The following CNOT2 variants were observed in gnomAD, a reference collection of about 807,000 sequenced individuals.
The protein encoded by CNOT2 is CC chemokine receptor 4-negative regulator of transcription 2.
In CNOT2, 7 loss-of-function variants were observed where a neutral mutation model predicts 72.1. The ratio of observed to expected loss-of-function variants is 0.10; its 90% CI spans 0.06 to 0.18. The LOEUF is 0.18. Ranked by LOEUF, CNOT2 falls within the 10% of genes least tolerant of loss-of-function variation. The pLI is 1.00. For missense variants in CNOT2, 345 were observed against 660.3 expected (o/e 0.52, Z 5.23); for synonymous variants, 196 against 225.6 (o/e 0.87, Z 1.17).
In CNOT2 at chr12:70,278,198, C is replaced by G. The variant is rs1444713998; in HGVS notation, c.-29C>G. On this transcript the variant is annotated 5_prime_UTR_variant, in exon 2 of 16. Transcript: ENST00000229195. Reference sequence around the variant, plus strand: ...GAGTGACAGTTCTATTTGATTGCCTCCGGTACTGTGAGGAAAGGACACGAC... The same window carrying G: ...GAGTGACAGTTCTATTTGATTGCCTGCGGTACTGTGAGGAAAGGACACGAC... The G allele has an allele frequency of 2.5e-6, 4 of 1,586,406 alleles. No homozygotes were observed. The highest frequency in any genetic ancestry group is 1.3e-5 in the African/African-American group (1 of 74,254).
intron 11 of CNOT2, among the ~76,000 whole-genome samples, chr12:70,341,795 A>T (rs1006623551): frequency 2.6e-5 from 4 of 152,218 alleles, no homozygotes; most frequent in Admixed American, 6.5e-5. Flanking sequence ...CATGGTATTG[A>T]AGAATTTAAA....
At chr12:70,303,964 C>T (rs995586141) in intron 2 of CNOT2, among the ~76,000 whole-genome samples, 1 of 152,156 alleles carries the variant, frequency 6.6e-6, no homozygotes, top group Non-Finnish European at 1.5e-5. Context: ...TTTCGTCTTC[C>T]ATCGCTGATA....
At chr12:70,260,632 G>T (rs1958698935) in intron 1 of CNOT2, among the ~76,000 whole-genome samples, 1 of 151,928 alleles carries the variant, frequency 6.6e-6, no homozygotes, top group Non-Finnish European at 1.5e-5. Context: ...ATTCATTATT[G>T]ACATGGAGTA....
chr12:70,267,960 A>G (rs896408605), intron 1 of CNOT2, among the ~76,000 whole-genome samples: 1 of 152,238 alleles, frequency 6.6e-6, no homozygotes, highest in Non-Finnish European at 1.5e-5. Flanking sequence ...TGAAACTTGA[A>G]ATATTTTCTA....
rs1328304747 is a variant in CNOT2 at position 70,248,967 on chromosome 12, A to G, written c.-96+5487A>G. On this transcript the variant is annotated intron_variant, in intron 1 of 15. Coordinates refer to ENST00000229195, the MANE Select transcript of CNOT2 (RefSeq NM_014515.7). ...TAAAATGAGTGAGGGAAAATTATGTATCCTGGCAATTTAGGTAACAGTGAG... is the reference window on the plus strand; with the variant it reads ...TAAAATGAGTGAGGGAAAATTATGTGTCCTGGCAATTTAGGTAACAGTGAG... 2.6e-5 allele frequency among the ~76,000 whole-genome samples: 4 copies of G among 152,216 alleles called. No individual in the cohort carries two copies. In the East Asian group the frequency reaches 7.7e-4, roughly 29 times the overall value.
intron 3 of CNOT2, among the ~76,000 whole-genome samples, chr12:70,312,469 CAA>C (rs1246590048): frequency 2.0e-5 from 3 of 151,802 alleles, no homozygotes; most frequent in African/African-American, 2.4e-5. Flanking sequence ...GAATGAATGA[CAA>C]AGAGATATAT....
At chr12:70,326,705 ATAAATT>A (rs898596757) in intron 4 of CNOT2, among the ~76,000 whole-genome samples, 52 of 152,016 alleles carry the variant, frequency 3.4e-4, no homozygotes, top group African/African-American at 1.3e-3. Context: ...AGTTTTTAAA[ATAAATT>A]TAAAGTAACA....
At chr12:70,296,382 C>T (rs1373747717) in intron 2 of CNOT2, among the ~76,000 whole-genome samples, 2 of 152,110 alleles carry the variant, frequency 1.3e-5, no homozygotes, top group Non-Finnish European at 2.9e-5. Context: ...TGTGTATCTA[C>T]ATGTTAACTA....
chr12:70,299,485 G>C (rs917199917), intron 2 of CNOT2, among the ~76,000 whole-genome samples: 61 of 145,780 alleles, frequency 4.2e-4, no homozygotes, highest in African/African-American at 1.3e-3. Context: ...TTGGTTTTTT[G>C]TCCTTGCGAT....
chr12:70,351,942 G>A (rs575074325), intron 15 of CNOT2, among the ~76,000 whole-genome samples: 38 of 152,286 alleles, frequency 2.5e-4, no homozygotes, highest in African/African-American at 7.0e-4. Context: ...AATAACCTCT[G>A]TGTCTTAATT....
chr12:70,244,169 C>T (rs977362600), intron 1 of CNOT2: 1 of 152,344 alleles, frequency 6.6e-6, no homozygotes, highest in African/African-American at 2.4e-5. Context: ...GCGATGCCGC[C>T]TCTGCCACCG....
chr12:70,257,307 C>T (rs141114341), intron 1 of CNOT2, among the ~76,000 whole-genome samples: 14 of 151,442 alleles, frequency 9.2e-5, no homozygotes, highest in Non-Finnish European at 1.3e-4. Flanking sequence ...TTTAGCACAT[C>T]CGATAGTATA....
intron 15 of CNOT2, among the ~76,000 whole-genome samples, chr12:70,348,847 A>AT (rs973708079): frequency 6.6e-6 from 1 of 151,722 alleles, no homozygotes; most frequent in Non-Finnish European, 1.5e-5. Context: ...GGATTTACAT[A>AT]TTTTTTATAT....
chr12:70,337,922 C>T, intron 9 of CNOT2: 1 of 308,796 alleles, frequency 3.2e-6, no homozygotes, highest in Non-Finnish European at 6.2e-6. Context: ...TTATTTCTTC[C>T]ACATTTCACT....
At chr12:70,292,624 A>G (rs954485864) in intron 2 of CNOT2, among the ~76,000 whole-genome samples, 1 of 152,218 alleles carries the variant, frequency 6.6e-6, no homozygotes, top group African/African-American at 2.4e-5. Flanking sequence ...GAGAATGCTA[A>G]CAGGGGAGAT....
intron 1 of CNOT2, among the ~76,000 whole-genome samples, chr12:70,254,317 C>G (rs538263405): frequency 6.6e-6 from 1 of 151,688 alleles, no homozygotes. Flanking sequence ...ACCTCTTGTA[C>G]TGTACTTCTT....
intron 2 of CNOT2, 28 bp from the exon 3 acceptor site, chr12:70,310,867 C>T (rs982981280): frequency 1.1e-5 from 18 of 1,602,634 alleles, no homozygotes; most frequent in Non-Finnish European, 1.5e-5. Context: ...AAAGTATTAC[C>T]CCTGATAAAA....
chr12:70,346,789 A>G (rs1235391731), intron 15 of CNOT2, among the ~76,000 whole-genome samples: 3 of 152,156 alleles, frequency 2.0e-5, no homozygotes, highest in South Asian at 2.1e-4. Context: ...AACTATGACT[A>G]TTTCTGTGAC....
chr12:70,331,288 T>A (rs1473867483), intron 6 of CNOT2: 1 of 151,950 alleles, frequency 6.6e-6, no homozygotes, highest in East Asian at 1.9e-4. Context: ...TACTGTTTAA[T>A]CCTCATTCCA....
Sources: allele counts gnomAD v4.1 joint callset (sites outside exome capture counted in the v4.1 genomes callset), GRCh38; gene constraint gnomAD v4.1.1; transcripts MANE v1.5; gene names NCBI Gene and HGNC (gene_info 2026-07-23, HGNC 2026-07-21).